MAML1: variants seen among roughly 807,000 people sequenced by gnomAD.
MAML1 encodes the protein mastermind-like protein 1.
Under a neutral mutation model 77.1 loss-of-function variants are expected in MAML1, and 14 were observed. The observed-to-expected ratio is 0.18, with a 90% CI of 0.12 to 0.28. MAML1 has a LOEUF of 0.28. Among genes scored for constraint, MAML1 ranks in the 10% least tolerant of loss-of-function variants. The probability of loss-of-function intolerance (pLI) is 1.00; values close to 1 mark genes in which losing one functional copy is unlikely to be tolerated. For synonymous variants in MAML1, 516 were observed against 551.9 expected (o/e 0.93, Z 0.91); for missense variants, 1,217 against 1,327.8 (o/e 0.92, Z 1.30).
At position 179,766,337 on chromosome 5, in the gene MAML1, C is replaced by T. The variant is rs1430105668; in HGVS notation, c.1327C>T (p.Pro443Ser). 2 of 1,607,010 alleles carry T rather than the reference C, an allele frequency of 1.2e-6. No individual in the cohort carries two copies. Among genetic ancestry groups the T allele is most frequent in the South Asian group, 2.2e-5 (2 of 90,216 alleles). Reference protein sequence around the residue: ...TGPSHSSLDVPYPMEKPASPS... With the variant: ...TGPSHSSLDVSYPMEKPASPS... ...GCCCTCCCACAGTTCCTTAGATGTC[C>T]CTTACCCCATGGAGAAGCCTGCCAG... The change falls in exon 2 of 5, where the codon CCT becomes TCT. Residue 443 changes from proline (P) to serine (S), a missense_variant. Around this residue, in one of 3 missense-constraint regions of MAML1, gnomAD observed 884 missense variants for 949.3 expected, o/e 0.93. Transcript: ENST00000292599. The surrounding 1 kb of genome is among the most constrained non-coding windows in gnomAD (Gnocchi z 4.0).
chr5:179,772,676 A>G (rs1318576551), intron 4 of MAML1, among the ~76,000 whole-genome samples: 2 of 148,434 alleles, frequency 1.3e-5, no homozygotes, highest in African/African-American at 2.5e-5. Flanking sequence ...ATTTCCTGCG[A>G]CTCCTCCCTC....
At chr5:179,735,741 G>A (rs1165478503) in intron 1 of MAML1, among the ~76,000 whole-genome samples, 2 of 151,150 alleles carry the variant, frequency 1.3e-5, no homozygotes, top group African/African-American at 2.4e-5. Context: ...AGGCTGGAGT[G>A]TAGTGACATG....
Position 179,775,084 on chromosome 5 carries a change from C to T in MAML1, c.*207C>T, listed in dbSNP as rs1756105552. The T allele has an allele frequency of 7.3e-7, 1 of 1,375,958 alleles. No individual in the cohort carries two copies. The highest frequency in any genetic ancestry group is 1.8e-5 in the South Asian group (1 of 55,664). 85.2% of individuals were successfully genotyped at this position (1,375,958 alleles called of 1,614,324 possible). ...TTGAGGTCCATCGGGCTGGCCCCAG[C>T]CCATCTGCTGGCATCAGTACCTGGT... On this transcript the variant is annotated 3_prime_UTR_variant, in exon 5 of 5. Transcript: ENST00000292599.
rs75704521 is a variant in MAML1 at position 179,774,887 on chromosome 5, T to C, written c.*10T>C. On this transcript the variant is annotated 3_prime_UTR_variant, in exon 5 of 5. Transcript: ENST00000292599. ...GTTAGGGTCTCAGTAATGGAAGGAT[T>C]TGTAGTGTTTTTAGTGTTCATTCAT... The C allele has an allele frequency of 8.2e-6, 13 of 1,584,976 alleles. No individual in the cohort carries two copies. Among genetic ancestry groups the C allele is most frequent in the Non-Finnish European group, 1.0e-5 (12 of 1,163,616 alleles).
chr5:179,733,164 G>C lies in MAML1; in HGVS notation c.52G>C (p.Ala18Pro). 6.8e-7 allele frequency: 1 copy of C among 1,462,826 alleles called. No homozygotes were observed. Among genetic ancestry groups the C allele is most frequent in the Non-Finnish European group, 9.0e-7 (1 of 1,110,372 alleles). 90.6% of individuals were successfully genotyped at this position (1,462,826 alleles called of 1,614,324 possible). ...MAEFALPRHSAVMERLRRRIE... is the reference protein window; with the variant it reads ...MAEFALPRHSPVMERLRRRIE... The stretch of plus-strand genomic sequence containing the variant: ...GGAGTTCGCGCTGCCGCGGCACAGC[G>C]CGGTCATGGAGCGCCTTCGCCGGCG... The change falls in exon 1 of 5, where the codon GCG becomes CCG. Residue 18 changes from alanine to proline, a missense_variant. Ala to Pro is a conservative substitution (Grantham distance 27). Coordinates refer to ENST00000292599, the MANE Select transcript of MAML1 (RefSeq NM_014757.5).
At chr5:179,748,555 C>T (rs1779426040) in intron 1 of MAML1, among the ~76,000 whole-genome samples, 1 of 152,070 alleles carries the variant, frequency 6.6e-6, no homozygotes, top group African/African-American at 2.4e-5. Flanking sequence ...ATTTAAGGAC[C>T]AGTGTAAGTG....
rs1554150346 is a variant in MAML1 at position 179,753,639 on chromosome 5, TTTA to T, written c.316-11672_316-11670del. On this transcript the variant is annotated intron_variant, in intron 1 of 4. Coordinates refer to ENST00000292599, the MANE Select transcript of MAML1 (RefSeq NM_014757.5). ...GGAGAAGTGTTTCTGTTTGGGTTGT[TTTA>T]TTATTATTATTATTTTTTTTTTTTT... 2.3e-3 allele frequency among the ~76,000 whole-genome samples: 255 copies of T among 112,462 alleles called. 17 individuals are homozygous for T. Among genetic ancestry groups the T allele is most frequent in the Middle Eastern group, 0.014 (3 of 210 alleles). 73.8% of individuals were successfully genotyped at this position (112,462 alleles called of 152,430 possible).
intron 1 of MAML1, among the ~76,000 whole-genome samples, chr5:179,737,702 G>A (rs770977636): frequency 7.9e-5 from 9 of 113,632 alleles, no homozygotes; most frequent in Non-Finnish European, 2.0e-4. Context: ...CCACCACAGC[G>A]AAGTCTTAGC....
At chr5:179,763,233 G>T (rs1462175700) in intron 1 of MAML1, among the ~76,000 whole-genome samples, 2 of 152,224 alleles carry the variant, frequency 1.3e-5, no homozygotes, top group African/African-American at 2.4e-5. Context: ...CCATTTAAAT[G>T]GGTATGAATT....
chr5:179,738,421 T>C (rs1340485181), intron 1 of MAML1, among the ~76,000 whole-genome samples: 3 of 152,204 alleles, frequency 2.0e-5, no homozygotes, highest in African/African-American at 7.2e-5. Context: ...TACTGTACTG[T>C]AATCATGTGG....
rs1186282524 is a variant in MAML1 at position 179,774,354 on chromosome 5, G to A, written c.2528G>A (p.Gly843Glu). 6.2e-7 allele frequency: 1 copy of A among 1,613,174 alleles called. No individual in the cohort carries two copies. The highest frequency in any genetic ancestry group is 8.5e-7 in the Non-Finnish European group (1 of 1,180,036). ...CAGAATTCCTCCTGGCAGCATCAGG[G>A]AATGCCGAACCTCAGTGGCCAGACC... Reference protein sequence around the residue: ...GGQNSSWQHQGMPNLSGQTPG... With the variant: ...GGQNSSWQHQEMPNLSGQTPG... Residue 843 changes from glycine to glutamate, a missense_variant, in exon 5 of 5, where the codon GGA (glycine) becomes GAA (glutamate). Transcript: ENST00000292599.
intron 2 of MAML1, among the ~76,000 whole-genome samples, chr5:179,768,351 G>A (rs1779859914): frequency 6.6e-6 from 1 of 152,236 alleles, no homozygotes; most frequent in African/African-American, 2.4e-5. Context: ...CAGCTACTCA[G>A]GAGGCTGAGG....
chr5:179,743,358 C>T (rs1430486256), intron 1 of MAML1, among the ~76,000 whole-genome samples: 3 of 148,124 alleles, frequency 2.0e-5, no homozygotes, highest in Non-Finnish European at 4.5e-5. Flanking sequence ...GACCCCCTGC[C>T]CCACGCTTTT....
intron 1 of MAML1, among the ~76,000 whole-genome samples, chr5:179,748,944 G>GTTT (rs1389645853): frequency 1.9e-5 from 2 of 103,800 alleles, no homozygotes. Flanking sequence ...AGAAAAAGGT[G>GTTT]TTTTTGTTTT....
chr5:179,733,538 C>T (rs185304169), intron 1 of MAML1, 111 bp downstream of exon 1: 1 of 834,536 alleles, frequency 1.2e-6, no homozygotes, highest in Non-Finnish European at 1.5e-6. Context: ...TCCGCGACTC[C>T]TGGATCTGGC....
intron 1 of MAML1, among the ~76,000 whole-genome samples, chr5:179,756,282 G>A (rs1371738322): frequency 3.3e-5 from 5 of 151,572 alleles, no homozygotes; most frequent in Admixed American, 6.6e-5. Flanking sequence ...AAAATTGGCC[G>A]GGTGTGGTGG....
Position 179,776,485 on chromosome 5 carries a change from C to T in MAML1, c.*1608C>T, listed in dbSNP as rs899457535. The T allele has an allele frequency of 3.0e-6, 3 of 985,670 alleles. No individual in the cohort carries two copies. The highest frequency in any genetic ancestry group is 3.5e-5 in the African/African-American group (2 of 57,236). The allele number at this position is 985,670 out of a possible 1,614,324, so 61.1% of individuals were successfully genotyped here. ...CCATTTGCCACCCCAAGTGGTATGT[C>T]GGCCATTTCTCCTTAAAACACCTTC... On this transcript the variant is annotated 3_prime_UTR_variant, in exon 5 of 5. Coordinates refer to ENST00000292599, the MANE Select transcript of MAML1 (RefSeq NM_014757.5).
chr5:179,774,282 G>T lies in MAML1; in HGVS notation c.2456G>T (p.Gly819Val), dbSNP rs747283199. Residue 819 changes from glycine to valine, a missense_variant, in exon 5 of 5, where the codon GGT (glycine) becomes GTT (valine). By Grantham distance (109) the Gly-to-Val change is moderately radical. Around this residue, in one of 3 missense-constraint regions of MAML1, gnomAD observed 884 missense variants for 949.3 expected, o/e 0.93. Transcript: ENST00000292599. ...QQHNKGTLNP[G>V]LTKPPVPRVS... ...CACAATAAGGGGACCCTGAACCCTGGTTTAACAAAGCCACCGGTCCCAAGG... is the reference window on the plus strand; with the variant it reads ...CACAATAAGGGGACCCTGAACCCTGTTTTAACAAAGCCACCGGTCCCAAGG... 2 of 1,613,310 alleles carry T rather than the reference G, an allele frequency of 1.2e-6. No individual in the cohort carries two copies. Among genetic ancestry groups the T allele is most frequent in the African/African-American group, 1.3e-5 (1 of 74,930 alleles).
intron 2 of MAML1, among the ~76,000 whole-genome samples, chr5:179,768,281 A>G (rs921082287): frequency 6.6e-6 from 1 of 151,758 alleles, no homozygotes; most frequent in African/African-American, 2.4e-5. Flanking sequence ...ACATGGAGAA[A>G]CCCCCATCTC....
Sources: allele counts gnomAD v4.1 joint callset (sites outside exome capture counted in the v4.1 genomes callset), GRCh38; gene constraint gnomAD v4.1.1; regional missense constraint gnomAD v4.1.1; non-coding constraint Gnocchi (gnomAD v3.1); transcripts MANE v1.5; gene names NCBI Gene and HGNC (gene_info 2026-07-23, HGNC 2026-07-21).